The following B3GLCT variants were observed in gnomAD, a reference collection of about 807,000 sequenced individuals.
B3GLCT encodes the protein beta 3-glucosyltransferase.
A neutral mutation model predicts 63.4 loss-of-function variants in B3GLCT; 65 were observed. That is an observed-to-expected ratio of 1.03 (90% CI 0.84 to 1.26). The LOEUF is 1.26. Among genes scored for constraint, B3GLCT ranks in the 50% most tolerant of loss-of-function variants. The pLI, the probability that B3GLCT is intolerant of heterozygous loss-of-function variation, is 0.00. For missense variants in B3GLCT, 577 were observed against 604.8 expected, an observed-to-expected ratio of 0.95 and a Z score of 0.48; for synonymous variants, 233 against 219.2, an observed-to-expected ratio of 1.06 and a Z score of -0.55.
intron 6 of B3GLCT, among the ~76,000 whole-genome samples, chr13:31,259,605 G>C (rs752535854): frequency 7.3e-5 from 11 of 151,472 alleles, no homozygotes; most frequent in Non-Finnish European, 1.2e-4. Flanking sequence ...GCGGCATCTT[G>C]GGACCCCCTT....
At chr13:31,201,658 C>T (rs551619433) in intron 1 of B3GLCT, among the ~76,000 whole-genome samples, 5 of 152,240 alleles carry the variant, frequency 3.3e-5, no homozygotes, top group African/African-American at 1.2e-4. Flanking sequence ...TAGCACTGCA[C>T]TTTATAATGC....
chr13:31,283,914 T>C (rs1356494624), intron 10 of B3GLCT, among the ~76,000 whole-genome samples: 1 of 152,176 alleles, frequency 6.6e-6, no homozygotes, highest in East Asian at 1.9e-4. Context: ...GCATAGGCAG[T>C]AATTTGTTTT....
chr13:31,328,807 CA>C (rs1219132867), intron 14 of B3GLCT, among the ~76,000 whole-genome samples: 1 of 149,486 alleles, frequency 6.7e-6, no homozygotes, highest in Non-Finnish European at 1.5e-5. Flanking sequence ...GCTACTTCTT[CA>C]ATCTTATTCT....
At position 31,329,492 on chromosome 13, in the gene B3GLCT, T is replaced by C; in HGVS notation, c.1330-9T>C. ...AACAAGGAAGCCTAACTCTCTATTTTTCCTGCAGGCTCGGCCGGTGGATTA... is the reference window on the plus strand; with the variant it reads ...AACAAGGAAGCCTAACTCTCTATTTCTCCTGCAGGCTCGGCCGGTGGATTA... On this transcript the variant is annotated splice_polypyrimidine_tract_variant and intron_variant, in intron 14 of 14. Coordinates refer to ENST00000343307, the MANE Select transcript of B3GLCT (RefSeq NM_194318.4). The C allele has an allele frequency of 6.2e-7, 1 of 1,614,204 alleles. No homozygotes were observed. The highest frequency in any genetic ancestry group is 8.5e-7 in the Non-Finnish European group (1 of 1,180,018).
intron 6 of B3GLCT, among the ~76,000 whole-genome samples, chr13:31,257,298 T>A (rs568103690): frequency 1.3e-5 from 2 of 152,252 alleles, no homozygotes; most frequent in African/African-American, 2.4e-5. Flanking sequence ...TATATTGGCA[T>A]GGTATGTAAA....
At chr13:31,285,163 G>C (rs1030129806) in intron 11 of B3GLCT, among the ~76,000 whole-genome samples, 2 of 152,132 alleles carry the variant, frequency 1.3e-5, no homozygotes, top group Admixed American at 1.3e-4. Flanking sequence ...GTTATATGTA[G>C]AATAAACTGT....
intron 4 of B3GLCT, among the ~76,000 whole-genome samples, chr13:31,237,058 G>A (rs984691951): frequency 1.4e-4 from 21 of 151,870 alleles, no homozygotes; most frequent in Non-Finnish European, 2.6e-4. Context: ...CCTAGTAGGC[G>A]GAGGTCGCAG....
chr13:31,202,942 G>T (rs1395236973), intron 1 of B3GLCT, among the ~76,000 whole-genome samples: 2 of 152,208 alleles, frequency 1.3e-5, no homozygotes, highest in Non-Finnish European at 2.9e-5. Context: ...GACTTGTATT[G>T]CATGAGATTA....
chr13:31,215,986 A>G (rs1433924301), intron 2 of B3GLCT, among the ~76,000 whole-genome samples: 1 of 152,176 alleles, frequency 6.6e-6, no homozygotes, highest in Non-Finnish European at 1.5e-5. Context: ...TAGTCAGGGA[A>G]TGTCTCTAAA....
chr13:31,313,713 G>C (rs1874843596), intron 12 of B3GLCT, among the ~76,000 whole-genome samples: 1 of 152,196 alleles, frequency 6.6e-6, no homozygotes, highest in Non-Finnish European at 1.5e-5. Flanking sequence ...AGTCAAGCCG[G>C]CTGCAGAAAT....
At chr13:31,245,916 T>G (rs1871177716) in intron 4 of B3GLCT, among the ~76,000 whole-genome samples, 1 of 152,192 alleles carries the variant, frequency 6.6e-6, no homozygotes, top group South Asian at 2.1e-4. Context: ...CCACATTGTT[T>G]GTCTGATTTA....
Position 31,286,718 on chromosome 13 carries a change from A to G in B3GLCT, c.965-2A>G, listed in dbSNP as rs767039753. ...TGTAAGTTTTTTTCTTGCCTTTTCT[A>G]GGTCATTGTGGAAAGACATTTGCCA... On this transcript the variant is annotated splice_acceptor_variant, in intron 11 of 14. Transcript: ENST00000343307. LOFTEE classifies it high-confidence loss of function. The G allele has an allele frequency of 6.3e-7, 1 of 1,596,886 alleles. No homozygotes were observed. Among genetic ancestry groups the G allele is most frequent in the East Asian group, 2.2e-5 (1 of 44,744 alleles).
intron 6 of B3GLCT, among the ~76,000 whole-genome samples, chr13:31,258,521 T>G (rs1452134323): frequency 6.6e-6 from 1 of 152,204 alleles, no homozygotes; most frequent in Non-Finnish European, 1.5e-5. Context: ...CCATTCCACC[T>G]AAGATATTTT....
At chr13:31,229,762 G>GA (rs55684248) in intron 4 of B3GLCT, among the ~76,000 whole-genome samples, 1 of 149,210 alleles carries the variant, frequency 6.7e-6, no homozygotes, top group Non-Finnish European at 1.5e-5. Flanking sequence ...AAAAAAAAAG[G>GA]AAAAAAACGT....
rs145574531 is a variant in B3GLCT at position 31,235,723 on chromosome 13, A to G, written c.270+6429A>G. On this transcript the variant is annotated intron_variant, in intron 4 of 14. Transcript: ENST00000343307. ...CACCTAAAATGCACGTCTTAAGTGTACAACTCAGCAGTGTCAAGTGGAATC... is the reference window on the plus strand; with the variant it reads ...CACCTAAAATGCACGTCTTAAGTGTGCAACTCAGCAGTGTCAAGTGGAATC... Among the ~76,000 whole-genome samples, 168 of 152,302 alleles carry G rather than the reference A, an allele frequency of 1.1e-3. 1 individual carries two copies. Among genetic ancestry groups the G allele is most frequent in the African/African-American group, 3.8e-3 (157 of 41,560 alleles).
At chr13:31,318,736 G>T (rs1875185061) in intron 13 of B3GLCT, among the ~76,000 whole-genome samples, 1 of 152,110 alleles carries the variant, frequency 6.6e-6, no homozygotes, top group African/African-American at 2.4e-5. Flanking sequence ...GGGCTTTCTG[G>T]GTGAAGAGTT....
chr13:31,316,357 A>G (rs1264836473), intron 12 of B3GLCT, among the ~76,000 whole-genome samples: 2 of 144,676 alleles, frequency 1.4e-5, no homozygotes, highest in Non-Finnish European at 3.0e-5. Context: ...CACCTCTTGC[A>G]TCAGCATGTC....
At chr13:31,208,035 A>G (rs1455685404) in intron 1 of B3GLCT, among the ~76,000 whole-genome samples, 1 of 152,034 alleles carries the variant, frequency 6.6e-6, no homozygotes, top group Admixed American at 6.5e-5. Flanking sequence ...TTGCTTAACT[A>G]TTAAGTGGCA....
chr13:31,209,327 CAAGT>C (rs1283885223), intron 1 of B3GLCT, among the ~76,000 whole-genome samples: 2 of 152,184 alleles, frequency 1.3e-5, no homozygotes, highest in Non-Finnish European at 2.9e-5. Flanking sequence ...TACTTGGAAA[CAAGT>C]AAGTTGGCTA....
Sources: allele counts gnomAD v4.1 joint callset (sites outside exome capture counted in the v4.1 genomes callset), GRCh38; gene constraint gnomAD v4.1.1; transcripts MANE v1.5; gene names NCBI Gene and HGNC (gene_info 2026-07-23, HGNC 2026-07-21).